Variants in PSMD1 observed in about 807,000 individuals in gnomAD.
PSMD1 encodes the protein 26S proteasome non-ATPase regulatory subunit 1.
PSMD1 carries 18 observed loss-of-function variants against 119.0 expected under a neutral mutation model. The observed-to-expected ratio is 0.15, with a 90% CI of 0.10 to 0.22. The LOEUF (loss-of-function observed/expected upper bound fraction) is 0.22, where lower values mean the gene tolerates loss of function less well. Among genes scored for constraint, PSMD1 ranks in the 10% least tolerant of loss-of-function variants. The probability of loss-of-function intolerance (pLI) is 1.00; values close to 1 mark genes in which losing one functional copy is unlikely to be tolerated. For synonymous variants in PSMD1, 374 were observed against 396.6 expected, an observed-to-expected ratio of 0.94 and a Z score of 0.68; for missense variants, 702 against 1,158.5, an observed-to-expected ratio of 0.61 and a Z score of 5.72.
At chr2:231,059,834 A>G (rs1693710962) in intron 1 of PSMD1, among the ~76,000 whole-genome samples, 1 of 152,194 alleles carries the variant, frequency 6.6e-6, no homozygotes, top group Non-Finnish European at 1.5e-5. Context: ...TCCAGAAGAG[A>G]GTTCTGTTTT....
chr2:231,106,859 G>A (rs1238603182), intron 16 of PSMD1, among the ~76,000 whole-genome samples: 1 of 152,114 alleles, frequency 6.6e-6, no homozygotes, highest in Non-Finnish European at 1.5e-5. Flanking sequence ...AATTATGTAT[G>A]CCTTCAGATG....
chr2:231,115,829 A>G (rs1695312624), intron 16 of PSMD1, among the ~76,000 whole-genome samples: 2 of 152,122 alleles, frequency 1.3e-5, no homozygotes, highest in South Asian at 4.1e-4. Context: ...TCACCTGGGT[A>G]CTTAGATATG....
At chr2:231,062,995 T>C (rs1693798284) in intron 4 of PSMD1, among the ~76,000 whole-genome samples, 1 of 152,228 alleles carries the variant, frequency 6.6e-6, no homozygotes, top group African/African-American at 2.4e-5. Context: ...AGTATCTGCA[T>C]TGTGCTAGGC....
At chr2:231,165,692 C>T (rs1696762434) in intron 22 of PSMD1, among the ~76,000 whole-genome samples, 179 bp from the exon 23 acceptor site, 1 of 152,258 alleles carries the variant, frequency 6.6e-6, no homozygotes, top group South Asian at 2.1e-4. Context: ...ATACCATTCT[C>T]ATTCCTAAGC....
chr2:231,078,791 C>CTTTTTCTTTTTTT, intron 10 of PSMD1, 44 bp downstream of exon 10: 1 of 341,368 alleles, frequency 2.9e-6, no homozygotes, highest in South Asian at 4.2e-5. Flanking sequence ...AAATCTTTTT[C>CTTTTTCTTTTTTT]TTTTTTTTTT....
intron 18 of PSMD1, among the ~76,000 whole-genome samples, chr2:231,152,251 C>T (rs1696392695): frequency 6.6e-6 from 1 of 152,072 alleles, no homozygotes; most frequent in African/African-American, 2.4e-5. Context: ...TTCATTGTTT[C>T]CCCACTATAT....
At chr2:231,102,356 G>A (rs569903452) in intron 16 of PSMD1, among the ~76,000 whole-genome samples, 2 of 152,106 alleles carry the variant, frequency 1.3e-5, no homozygotes, top group East Asian at 1.9e-4. Context: ...TGAACAATAC[G>A]GGAGTTAGCA....
intron 17 of PSMD1, 67 bp from the exon 18 acceptor site, chr2:231,146,173 C>A: frequency 9.5e-7 from 1 of 1,056,524 alleles, no homozygotes; most frequent in Non-Finnish European, 1.5e-6. Flanking sequence ...TGGCATGTGA[C>A]TATAAATTGA....
intron 16 of PSMD1, among the ~76,000 whole-genome samples, chr2:231,135,859 CTG>C (rs1392024147): frequency 1.3e-5 from 2 of 152,122 alleles, no homozygotes; most frequent in Admixed American, 6.5e-5. Flanking sequence ...TTTAGGCAAA[CTG>C]AGAACATTCT....
chr2:231,146,726 C>A (rs3769989), intron 18 of PSMD1, among the ~76,000 whole-genome samples: 74,829 of 152,006 alleles, frequency 0.49, 21,923 homozygotes, highest in African/African-American at 0.81. Context: ...GCAGTCCATG[C>A]CTTTTTTGAT....
At chr2:231,098,374 A>ATC (rs887673024) in intron 16 of PSMD1, among the ~76,000 whole-genome samples, 12 of 151,160 alleles carry the variant, frequency 7.9e-5, no homozygotes, top group Admixed American at 3.3e-4. Flanking sequence ...TACTACTTCT[A>ATC]TCTCTCTCTC....
intron 17 of PSMD1, 22 bp from the exon 18 acceptor site, chr2:231,146,218 G>A: frequency 2.7e-6 from 4 of 1,507,634 alleles, no homozygotes; most frequent in South Asian, 1.1e-5. Context: ...TAAAAGTTGT[G>A]TGTTTTTTTA....
intron 6 of PSMD1, among the ~76,000 whole-genome samples, chr2:231,071,368 G>A (rs1694038257): frequency 6.6e-6 from 1 of 151,780 alleles, no homozygotes; most frequent in African/African-American, 2.4e-5. Context: ...AAAGAATGAT[G>A]GGGTATACAA....
chr2:231,083,805 A>G (rs1694370273), intron 14 of PSMD1, 42 bp downstream of exon 14: 1 of 1,592,824 alleles, frequency 6.3e-7, no homozygotes, highest in Non-Finnish European at 8.6e-7. Context: ...TATCTCCAGC[A>G]TGTAAAAAAC....
intron 16 of PSMD1, among the ~76,000 whole-genome samples, chr2:231,118,720 T>A (rs1049334346): frequency 2.0e-5 from 3 of 152,184 alleles, no homozygotes; most frequent in Admixed American, 2.0e-4. Flanking sequence ...GTTTGGGAAG[T>A]CAGGTTACAC....
chr2:231,152,473 G>A (rs1046315069), intron 18 of PSMD1, among the ~76,000 whole-genome samples: 1 of 152,090 alleles, frequency 6.6e-6, no homozygotes. Context: ...ATGTAAGGTA[G>A]GTGCTAACAT....
chr2:231,170,600 C>A lies in PSMD1; in HGVS notation c.2750C>A (p.Thr917Asn). ...SIGGIIILKD[T>N]SEDIEELVEP... ...GGAGGCATCATCATTCTGAAGGATA[C>A]CAGTGAAGACATTGAGGAGCTGGTG... The change falls in exon 24 of 25, where the codon ACC becomes AAC. Residue 917 changes from threonine to asparagine, a missense_variant. Physicochemically the swap from Thr to Asn is moderately conservative, Grantham distance 65. Coordinates refer to ENST00000308696, the MANE Select transcript of PSMD1 (RefSeq NM_002807.4). The surrounding 1 kb of genome is among the most constrained non-coding windows in gnomAD (Gnocchi z 4.1). 6.2e-7 allele frequency: 1 copy of A among 1,613,954 alleles called. No homozygotes were observed. The highest frequency in any genetic ancestry group is 8.5e-7 in the Non-Finnish European group (1 of 1,179,936).
rs190989159 is a variant in PSMD1 at position 231,119,826 on chromosome 2, T to C, written c.1884-18910T>C. 2.1e-4 allele frequency among the ~76,000 whole-genome samples: 27 copies of C among 129,820 alleles called. 1 individual carries two copies. In the Admixed American group the frequency reaches 2.3e-3, roughly 11 times the overall value. The allele number at this position is 129,820 out of a possible 152,430, so 85.2% of individuals were successfully genotyped here. A position where few individuals can be genotyped will look rare whatever the true frequency, so the allele number is the denominator to read the frequency against. ...TGGAGGTTGCAGTGAACTGAGATCA[T>C]GCCACTGCCCTGCAGTCTGGGCAAC... On this transcript the variant is annotated intron_variant, in intron 16 of 24. Coordinates refer to ENST00000308696, the MANE Select transcript of PSMD1 (RefSeq NM_002807.4).
intron 16 of PSMD1, among the ~76,000 whole-genome samples, chr2:231,096,184 T>A (rs866747212): frequency 4.6e-5 from 7 of 152,356 alleles, no homozygotes; most frequent in Middle Eastern, 3.4e-3. Flanking sequence ...GATCTTGCAT[T>A]ACCAGGCAGG....
Sources: allele counts gnomAD v4.1 joint callset (sites outside exome capture counted in the v4.1 genomes callset), GRCh38; gene constraint gnomAD v4.1.1; non-coding constraint Gnocchi (gnomAD v3.1); transcripts MANE v1.5; gene names NCBI Gene and HGNC (gene_info 2026-07-23, HGNC 2026-07-21).